The following PCDHA2 variants were observed in gnomAD, a reference collection of about 807,000 sequenced individuals.
The protein encoded by PCDHA2 is protocadherin alpha-2.
Under a neutral mutation model 66.0 loss-of-function variants are expected in PCDHA2, and 58 were observed. The ratio of observed to expected loss-of-function variants is 0.88; its 90% CI spans 0.71 to 1.09. The LOEUF is 1.09. Among genes scored for constraint, PCDHA2 ranks in the 50% least tolerant of loss-of-function variants. PCDHA2 has a pLI of 0.00. For synonymous variants in PCDHA2, 634 were observed against 554.0 expected (o/e 1.14, Z -2.03); for missense variants, 1,267 against 1,242.3 (o/e 1.02, Z -0.30).
At chr5:140,803,011 C>G (rs982936754) in intron 1 of PCDHA2, 2 of 1,614,028 alleles carry the variant, frequency 1.2e-6, no homozygotes, top group Non-Finnish European at 1.7e-6. Flanking sequence ...GGCTACAACG[C>G]GTGGCTTTCG....
intron 1 of PCDHA2, chr5:140,843,118 C>T: frequency 6.3e-7 from 1 of 1,595,834 alleles, no homozygotes; most frequent in Non-Finnish European, 8.6e-7. Flanking sequence ...CAGTGGACGC[C>T]GACTCGGGCT....
At chr5:140,801,880 T>C in intron 1 of PCDHA2, 1 of 1,614,148 alleles carries the variant, frequency 6.2e-7, no homozygotes, top group Non-Finnish European at 8.5e-7. Context: ...ACGACTCAAC[T>C]AAAGATCACT....
rs184768008 is a variant in PCDHA2 at position 140,933,949 on chromosome 5, G to C, written c.2389-45000G>C. ...GTTGTGACTTTTTTTCACATCTGCA[G>C]GATCTGTAGTGATGTTTCCCTTTTC... On this transcript the variant is annotated intron_variant, in intron 1 of 3. Coordinates refer to ENST00000526136, the MANE Select transcript of PCDHA2 (RefSeq NM_018905.3). Among the ~76,000 whole-genome samples the C allele has an allele frequency of 8.5e-4, 129 of 151,910 alleles. 1 individual carries two copies. The highest frequency in any genetic ancestry group is 3.0e-3 in the African/African-American group (123 of 41,458).
Position 140,852,497 on chromosome 5 carries a change from C to T in PCDHA2, c.2388+55145C>T, listed in dbSNP as rs1462166963. The T allele has an allele frequency of 3.2e-5, 8 of 251,770 alleles. 1 individual carries two copies. The South Asian group carries it at 6.1e-4, about 19-fold the overall frequency. 15.6% of individuals were successfully genotyped at this position (251,770 alleles called of 1,614,324 possible). ...TTCATCATGTTGGCCAGGTTGGTCT[C>T]GAACTCCTGACCTTGTGATGCTCCC... is the stretch of plus-strand genomic sequence containing the variant. On this transcript the variant is annotated intron_variant, in intron 1 of 3. Coordinates refer to ENST00000526136, the MANE Select transcript of PCDHA2 (RefSeq NM_018905.3).
intron 1 of PCDHA2, chr5:140,836,897 G>C: frequency 3.3e-6 from 2 of 603,578 alleles, no homozygotes; most frequent in Non-Finnish European, 5.5e-6. Flanking sequence ...TTGGAAGTAC[G>C]TTTAATATAC....
chr5:140,876,081 G>A (rs568872116), intron 1 of PCDHA2: 1 of 1,613,944 alleles, frequency 6.2e-7, no homozygotes, highest in African/African-American at 1.3e-5. Flanking sequence ...TGGACAGAGA[G>A]CAAACGCCAA....
At chr5:140,871,376 G>GCT (rs782235924) in intron 1 of PCDHA2, 26 of 1,614,078 alleles carry the variant, frequency 1.6e-5, no homozygotes, top group South Asian at 1.4e-4. Flanking sequence ...CAGAGGGTGT[G>GCT]CTCTGAGGAG....
chr5:140,935,080 C>G (rs1163743447), intron 1 of PCDHA2, among the ~76,000 whole-genome samples: 2 of 152,076 alleles, frequency 1.3e-5, no homozygotes, highest in Non-Finnish European at 2.9e-5. Context: ...TGTACATTTC[C>G]TTTCCCAGAA....
Position 141,001,288 on chromosome 5 carries a change from C to T in PCDHA2, c.2537-8339C>T, listed in dbSNP as rs147786395. 2.9e-3 allele frequency among the ~76,000 whole-genome samples: 438 copies of T among 152,218 alleles called. 7 individuals are homozygous for T. The East Asian group carries it at 0.044, about 15-fold the overall frequency. ...TATGAACTTTTTTTACGGATGAAAACTGAGGCCCAGAGATATGAAATAATT... is the reference window on the plus strand; with the variant it reads ...TATGAACTTTTTTTACGGATGAAAATTGAGGCCCAGAGATATGAAATAATT... On this transcript the variant is annotated intron_variant, in intron 3 of 3. Transcript: ENST00000526136.
In PCDHA2 at chr5:140,795,345, C is replaced by T; in HGVS notation, c.381C>T (p.Asn127=). ...FHVEVEVKDI[N]DNPPIFPMTV... is the part of the protein sequence containing the mutation. ...TGGAAGTGGAGGTGAAGGACATTAACGACAACCCGCCAATATTTCCAATGA... is the reference window on the plus strand; with the variant it reads ...TGGAAGTGGAGGTGAAGGACATTAATGACAACCCGCCAATATTTCCAATGA... Residue 127 remains asparagine, a synonymous_variant, in exon 1 of 4, where the codon AAC becomes AAT. Transcript: ENST00000526136. The T allele has an allele frequency of 6.2e-7, 1 of 1,614,186 alleles. No individual in the cohort carries two copies. Among genetic ancestry groups the T allele is most frequent in the South Asian group, 1.1e-5 (1 of 91,084 alleles).
intron 1 of PCDHA2, among the ~76,000 whole-genome samples, chr5:140,932,539 AT>A (rs782246299): frequency 3.3e-5 from 5 of 152,008 alleles, no homozygotes; most frequent in Admixed American, 2.0e-4. Context: ...AAGGTGCTTT[AT>A]TTAACATACA....
chr5:140,822,533 A>G, intron 1 of PCDHA2: 1 of 1,613,982 alleles, frequency 6.2e-7, no homozygotes, highest in Non-Finnish European at 8.5e-7. Context: ...TTGTTGGAAA[A>G]TGCACCAAGT....
intron 1 of PCDHA2, chr5:140,812,071 G>A (rs181584073): frequency 6.0e-4 from 90 of 149,810 alleles, no homozygotes; most frequent in African/African-American, 1.9e-3. Flanking sequence ...TTTTGGAAGA[G>A]TTTGAAAACA....
intron 1 of PCDHA2, chr5:140,968,553 G>A (rs782583876): frequency 4.3e-6 from 7 of 1,614,132 alleles, no homozygotes; most frequent in South Asian, 2.2e-5. Context: ...ATGGTGCCTC[G>A]AACTGCCCCT....
chr5:140,843,200 T>C (rs1554139863), intron 1 of PCDHA2: 1 of 1,595,954 alleles, frequency 6.3e-7, no homozygotes, highest in Non-Finnish European at 8.6e-7. Context: ...CGTGGGGCTG[T>C]ACACGGGCGA....
intron 1 of PCDHA2, chr5:140,882,828 A>T: frequency 6.2e-7 from 1 of 1,614,226 alleles, no homozygotes; most frequent in Non-Finnish European, 8.5e-7. Context: ...AACAGTCTTG[A>T]GCAAATGTCT....
chr5:140,802,875 G>T (rs782103564), intron 1 of PCDHA2: 1 of 1,613,736 alleles, frequency 6.2e-7, no homozygotes, highest in Non-Finnish European at 8.5e-7. Context: ...GGACGAGAAC[G>T]ACAACGCGCC....
At position 140,828,520 on chromosome 5, in the gene PCDHA2, C is replaced by T. The variant is rs2150156351; in HGVS notation, c.2388+31168C>T. On this transcript the variant is annotated intron_variant, in intron 1 of 3. Coordinates refer to ENST00000526136, the MANE Select transcript of PCDHA2 (RefSeq NM_018905.3). ...TAGAGGAACAAAGAGTGCTGATTTA[C>T]GAATCTAGGCTGCCAGATTCTGTGT... 3.1e-6 allele frequency: 5 copies of T among 1,614,196 alleles called. No individual in the cohort carries two copies. In the African/African-American group the frequency reaches 4.0e-5, roughly 13 times the overall value.
At chr5:140,872,588 C>G (rs995645358) in intron 1 of PCDHA2, among the ~76,000 whole-genome samples, 4 of 151,876 alleles carry the variant, frequency 2.6e-5, no homozygotes, top group African/African-American at 2.4e-5. Context: ...CATCGTGAGA[C>G]CCCCATCTGA....
Sources: allele counts gnomAD v4.1 joint callset (sites outside exome capture counted in the v4.1 genomes callset), GRCh38; gene constraint gnomAD v4.1.1; transcripts MANE v1.5; gene names NCBI Gene and HGNC (gene_info 2026-07-23, HGNC 2026-07-21).